ZNF705G: variants seen among roughly 807,000 people sequenced by gnomAD.
The protein encoded by ZNF705G is putative zinc finger protein 705G.
A neutral mutation model predicts 19.6 loss-of-function variants in ZNF705G; 23 were observed. That is an observed-to-expected ratio of 1.17 (90% CI 0.84 to 1.66). ZNF705G has a LOEUF of 1.66. Ranked by LOEUF, ZNF705G falls within the 40% of genes most tolerant of loss-of-function variation. ZNF705G has a pLI of 0.00. For missense variants in ZNF705G, 457 were observed against 354.4 expected (o/e 1.29, Z -2.32); for synonymous variants, 146 against 117.7 (o/e 1.24, Z -1.56).
intron 1 of ZNF705G, among the ~76,000 whole-genome samples, chr8:7,383,230 G>C (rs1476740700): frequency 2.0e-5 from 3 of 149,242 alleles, no homozygotes; most frequent in Non-Finnish European, 4.4e-5. Flanking sequence ...GACACATTAG[G>C]GGCCAAAGAG....
At chr8:7,369,404 G>A (rs1336633008) in intron 2 of ZNF705G, among the ~76,000 whole-genome samples, 2 of 149,400 alleles carry the variant, frequency 1.3e-5, no homozygotes, top group South Asian at 2.1e-4. Context: ...GTCCACACTG[G>A]GGCACTGCCT....
intron 1 of ZNF705G, among the ~76,000 whole-genome samples, chr8:7,382,509 T>G (rs1410657550): frequency 1.4e-5 from 2 of 146,614 alleles, no homozygotes; most frequent in Non-Finnish European, 2.9e-5. Context: ...CTATCAACTT[T>G]CCTTTTGGAA....
chr8:7,362,518 A>T (rs544183182), intron 3 of ZNF705G, among the ~76,000 whole-genome samples: 2 of 149,598 alleles, frequency 1.3e-5, no homozygotes, highest in African/African-American at 5.1e-5. Flanking sequence ...TGCATTAATC[A>T]CAATCCTAAG....
intron 2 of ZNF705G, among the ~76,000 whole-genome samples, chr8:7,371,508 G>T (rs1348449140): frequency 9.2e-6 from 1 of 109,168 alleles, no homozygotes. Context: ...AAAGGGGAGG[G>T]GACTTAGGGA....
At position 7,384,872 on chromosome 8, in the gene ZNF705G, G is replaced by T. The variant is rs1414143014; in HGVS notation, c.-222+626C>A. 3.4e-5 allele frequency among the ~76,000 whole-genome samples: 5 copies of T among 146,306 alleles called. 1 individual carries two copies. Among genetic ancestry groups the T allele is most frequent in the African/African-American group, 5.6e-5 (2 of 35,870 alleles). Reference sequence around the variant, plus strand: ...TCACGTACCATGAGTCTTGAAAGTGGTATCTTAGTTGACATAACTTTTATA... The same window carrying T: ...TCACGTACCATGAGTCTTGAAAGTGTTATCTTAGTTGACATAACTTTTATA... On this transcript the variant is annotated intron_variant, in intron 1 of 6. Transcript: ENST00000400156.
chr8:7,357,310 T>C lies in ZNF705G; in HGVS notation c.*666A>G, dbSNP rs1471512882. 6.6e-6 allele frequency: 1 copy of C among 152,230 alleles called. No individual in the cohort carries two copies. Among genetic ancestry groups the C allele is most frequent in the African/African-American group, 2.5e-5 (1 of 39,248 alleles). The allele number at this position is 152,230 out of a possible 1,614,324, so 9.4% of individuals were successfully genotyped here. ...CTTGGAAAGATTTTCCCTTCTTATTTAGCTCATGAAGGCTTTCCTCTCTTA... is the reference window on the plus strand; with the variant it reads ...CTTGGAAAGATTTTCCCTTCTTATTCAGCTCATGAAGGCTTTCCTCTCTTA... On this transcript the variant is annotated 3_prime_UTR_variant, in exon 7 of 7. Coordinates refer to ENST00000400156, the MANE Select transcript of ZNF705G (RefSeq NM_001164457.3).
At chr8:7,368,695 C>T (rs1221798549) in intron 2 of ZNF705G, among the ~76,000 whole-genome samples, 2 of 149,608 alleles carry the variant, frequency 1.3e-5, no homozygotes, top group Non-Finnish European at 2.9e-5. Flanking sequence ...GGTGGCAGCC[C>T]CTCTCCTCAA....
intron 1 of ZNF705G, among the ~76,000 whole-genome samples, chr8:7,382,209 A>G (rs1232144389): frequency 6.6e-6 from 1 of 150,388 alleles, no homozygotes; most frequent in Non-Finnish European, 1.5e-5. Flanking sequence ...AACAACGACA[A>G]CAATTCATCT....
chr8:7,385,466 T>G (rs1180616241), intron 1 of ZNF705G, 32 bp downstream of exon 1: 1 of 149,714 alleles, frequency 6.7e-6, no homozygotes, highest in Non-Finnish European at 1.5e-5. Context: ...CCACCCCTTA[T>G]TTAAAACCAG....
rs550832074 is a variant in ZNF705G, at chr8:7,382,536, C to A, written c.-221-935G>T. Among the ~76,000 whole-genome samples the A allele has an allele frequency of 9.3e-4, 136 of 146,434 alleles. 9 individuals are homozygous for A. Among genetic ancestry groups the A allele is most frequent in the Middle Eastern group, 3.4e-3 (1 of 292 alleles). On this transcript the variant is annotated intron_variant, in intron 1 of 6. Transcript: ENST00000400156. ...CTTTTGGAAATATAAAGAAAACCAC[C>A]CTTTAAACATTTTTTATTTCTTCCA...
chr8:7,377,190 A>AACAC (rs753051942), intron 2 of ZNF705G: 1,133 of 28,362 alleles, frequency 0.04, no homozygotes, highest in Non-Finnish European at 0.05. Flanking sequence ...GAAATCAAAT[A>AACAC]ACACACACAC....
chr8:7,367,551 G>A (rs1480497771), intron 2 of ZNF705G, among the ~76,000 whole-genome samples: 3 of 149,420 alleles, frequency 2.0e-5, no homozygotes, highest in African/African-American at 7.7e-5. Context: ...AATTTCAAAG[G>A]GTAAGGAAAG....
rs541248116 is a variant in ZNF705G at position 7,360,850 on chromosome 8, G to T, written c.139+260C>A. Among the ~76,000 whole-genome samples, 121 of 149,522 alleles carry T rather than the reference G, an allele frequency of 8.1e-4. 1 individual carries two copies. The highest frequency in any genetic ancestry group is 3.1e-3 in the South Asian group (15 of 4,772). On this transcript the variant is annotated intron_variant, in intron 4 of 6. Coordinates refer to ENST00000400156, the MANE Select transcript of ZNF705G (RefSeq NM_001164457.3). ...CATTAAGTTCCCAGGTCTGTTATGA[G>T]TATTAGAGACTGAGTACCAAAGAAA...
rs1296145259 is a variant in ZNF705G at position 7,355,821 on chromosome 8, G to A, written c.*2155C>T. The A allele has an allele frequency of 6.7e-6, 1 of 149,470 alleles. No homozygotes were observed. The highest frequency in any genetic ancestry group is 2.1e-4 in the South Asian group (1 of 4,754). 9.3% of individuals were successfully genotyped at this position (149,470 alleles called of 1,614,324 possible). A position where few individuals can be genotyped will look rare whatever the true frequency, so the allele number is the denominator to read the frequency against. ...AACAATAAATAATGATATGAGCTCT[G>A]CCTGGACACAGTCCTTGCCTCTCCA... On this transcript the variant is annotated 3_prime_UTR_variant, in exon 7 of 7. Transcript: ENST00000400156.
intron 1 of ZNF705G, 60 bp downstream of exon 1, chr8:7,385,438 A>C (rs1807682098): frequency 6.7e-6 from 1 of 149,244 alleles, no homozygotes; most frequent in Non-Finnish European, 1.5e-5. Context: ...CCCTGAAAGC[A>C]AGCCTCTTTA....
At chr8:7,363,752 C>G (rs556494345) in intron 2 of ZNF705G, among the ~76,000 whole-genome samples, 2 of 148,692 alleles carry the variant, frequency 1.3e-5, no homozygotes, top group East Asian at 1.9e-4. Flanking sequence ...ACCCAGGAGG[C>G]AGAGATTACA....
chr8:7,362,625 A>C (rs1806655665), intron 3 of ZNF705G, among the ~76,000 whole-genome samples: 1 of 149,586 alleles, frequency 6.7e-6, no homozygotes, highest in South Asian at 2.1e-4. Flanking sequence ...GAAACCTCTC[A>C]TATCTTTTTT....
rs59326007 is a variant in ZNF705G, at chr8:7,358,499, C to G, written c.380G>C (p.Arg127Pro). The G allele has an allele frequency of 6.2e-7, 1 of 1,607,020 alleles. No homozygotes were observed. The highest frequency in any genetic ancestry group is 8.5e-7 in the Non-Finnish European group (1 of 1,179,488). ...ECNDSGEDCT[R>P]SSTITQCLLT... ...CAAACACTGAGTTATTGTGGAACTG[C>G]GAGTGCAATCTTCTCCCGAATCATT... Residue 127 changes from arginine to proline, a missense_variant, in exon 7 of 7, where the codon CGC becomes CCC. Physicochemically the swap from Arg to Pro is moderately radical, Grantham distance 103. Coordinates refer to ENST00000400156, the MANE Select transcript of ZNF705G (RefSeq NM_001164457.3).
intron 2 of ZNF705G, among the ~76,000 whole-genome samples, chr8:7,369,662 G>C (rs1376835051): frequency 1.3e-5 from 2 of 149,664 alleles, no homozygotes; most frequent in Non-Finnish European, 2.9e-5. Flanking sequence ...GCCCATCAAT[G>C]TTACAGTGGA....
Sources: gnomAD v4.1 joint callset for allele counts (sites outside exome capture counted in the v4.1 genomes callset) on GRCh38, gnomAD v4.1.1 for gene constraint, MANE v1.5 for transcripts, NCBI Gene and HGNC (gene_info 2026-07-23, HGNC 2026-07-21) for gene names.